Variants in PRKCE observed in about 807,000 individuals in gnomAD.
The protein encoded by PRKCE is protein kinase C epsilon type.
Under a neutral mutation model 85.4 loss-of-function variants are expected in PRKCE, and 16 were observed. That is an observed-to-expected ratio of 0.19 (90% CI 0.13 to 0.28). The LOEUF is 0.28. PRKCE is among the 10% of genes least tolerant of loss of function. The pLI is 1.00. For synonymous variants in PRKCE, 388 were observed against 371.5 expected (o/e 1.04, Z -0.51); for missense variants, 573 against 975.2 (o/e 0.59, Z 5.49).
chr2:46,171,481 G>A (rs1461402703), intron 14 of PRKCE, among the ~76,000 whole-genome samples: 1 of 152,218 alleles, frequency 6.6e-6, no homozygotes, highest in East Asian at 1.9e-4. Flanking sequence ...TGTGCAGATG[G>A]CTGCATTGAT....
At chr2:45,834,627 C>T (rs1274412104) in intron 1 of PRKCE, among the ~76,000 whole-genome samples, 1 of 152,052 alleles carries the variant, frequency 6.6e-6, no homozygotes, top group East Asian at 1.9e-4. Context: ...CACCCACATG[C>T]TCCCCCATTG....
At chr2:45,961,761 T>C (rs966208684) in intron 2 of PRKCE, among the ~76,000 whole-genome samples, 18 of 152,092 alleles carry the variant, frequency 1.2e-4, no homozygotes, top group African/African-American at 4.1e-4. Flanking sequence ...AATGGTGTGA[T>C]CTTGGCTCAC....
chr2:45,972,093 C>G (rs983626759), intron 2 of PRKCE, among the ~76,000 whole-genome samples: 1 of 152,172 alleles, frequency 6.6e-6, no homozygotes. Flanking sequence ...AGTGAACAAG[C>G]GTTCGCTCTT....
intron 2 of PRKCE, among the ~76,000 whole-genome samples, chr2:45,866,432 C>G (rs572645049): frequency 1.3e-5 from 2 of 152,170 alleles, no homozygotes; most frequent in Non-Finnish European, 2.9e-5. Context: ...CTCAGCCTCC[C>G]GAGTAGCTGG....
rs113717275 is a variant in PRKCE, at chr2:45,833,645, G to A, written c.349-9355G>A. On this transcript the variant is annotated intron_variant, in intron 1 of 14. Coordinates refer to ENST00000306156, the MANE Select transcript of PRKCE (RefSeq NM_005400.3). ...AGAACTGGGATTGGAACCCGGGTAGGCTAGCTTCAAAACCTTTACTTTCAA... is the reference window on the plus strand; with the variant it reads ...AGAACTGGGATTGGAACCCGGGTAGACTAGCTTCAAAACCTTTACTTTCAA... Among the ~76,000 whole-genome samples, 1,362 of 152,296 alleles carry A rather than the reference G, an allele frequency of 8.9e-3. 31 individuals carry two copies. Among genetic ancestry groups the A allele is most frequent in the African/African-American group, 0.03 (1,263 of 41,542 alleles).
intron 1 of PRKCE, among the ~76,000 whole-genome samples, chr2:45,694,372 G>C (rs1677975020): frequency 6.6e-6 from 1 of 152,048 alleles, no homozygotes; most frequent in Admixed American, 6.6e-5. Flanking sequence ...ATGGATGATG[G>C]GCAGAAAAGT....
intron 2 of PRKCE, among the ~76,000 whole-genome samples, chr2:45,899,755 G>T (rs1032218723): frequency 6.6e-6 from 1 of 152,202 alleles, no homozygotes; most frequent in African/African-American, 2.4e-5. Context: ...GGCTGGGCCT[G>T]TAGGTAGTGC....
At chr2:45,708,556 C>T (rs1473249873) in intron 1 of PRKCE, among the ~76,000 whole-genome samples, 3 of 152,220 alleles carry the variant, frequency 2.0e-5, no homozygotes, top group Non-Finnish European at 2.9e-5. Flanking sequence ...ATGTGACTTG[C>T]TCCTCCTTGC....
intron 10 of PRKCE, among the ~76,000 whole-genome samples, chr2:46,057,682 G>A (rs1666723762): frequency 2.6e-5 from 4 of 152,068 alleles, no homozygotes; most frequent in Admixed American, 2.6e-4. Flanking sequence ...AATCCACCCG[G>A]CTCAGCCTTC....
At chr2:46,051,285 G>C (rs1461660701) in intron 10 of PRKCE, among the ~76,000 whole-genome samples, 2 of 152,190 alleles carry the variant, frequency 1.3e-5, no homozygotes, top group African/African-American at 2.4e-5. Flanking sequence ...CCCTGGGCTG[G>C]TGGTTTCTGG....
At chr2:45,686,502 T>C (rs1323646116) in intron 1 of PRKCE, among the ~76,000 whole-genome samples, 1 of 152,200 alleles carries the variant, frequency 6.6e-6, no homozygotes, top group African/African-American at 2.4e-5. Context: ...CTATACAATA[T>C]GCTATTTATT....
chr2:45,749,573 T>C (rs1683387626), intron 1 of PRKCE, among the ~76,000 whole-genome samples: 1 of 152,196 alleles, frequency 6.6e-6, no homozygotes, highest in Admixed American at 6.5e-5. Flanking sequence ...GAAATGACAA[T>C]CATACAATGT....
At chr2:46,144,959 G>A in intron 11 of PRKCE, 134 bp from the exon 12 acceptor site, 1 of 1,349,254 alleles carries the variant, frequency 7.4e-7, no homozygotes, top group Non-Finnish European at 1.0e-6. Context: ...ACTGAGATGG[G>A]TTTCAAGAAA....
chr2:45,861,608 C>A (rs1228957997), intron 2 of PRKCE, among the ~76,000 whole-genome samples: 1 of 152,132 alleles, frequency 6.6e-6, no homozygotes, highest in East Asian at 1.9e-4. Flanking sequence ...AATAAATTTT[C>A]TTTTATTCTC....
At chr2:46,072,667 G>A (rs946229756) in intron 10 of PRKCE, among the ~76,000 whole-genome samples, 1 of 152,168 alleles carries the variant, frequency 6.6e-6, no homozygotes, top group Non-Finnish European at 1.5e-5. Flanking sequence ...GGCATTCCTG[G>A]AGTGGCTCAC....
intron 9 of PRKCE, 138 bp downstream of exon 9, chr2:46,007,799 G>A: frequency 1.1e-6 from 1 of 930,980 alleles, no homozygotes; most frequent in African/African-American, 1.7e-5. Flanking sequence ...AAGTGCAAAT[G>A]ACCTGAGGCC....
At chr2:45,698,947 G>A (rs1026107434) in intron 1 of PRKCE, among the ~76,000 whole-genome samples, 2 of 152,136 alleles carry the variant, frequency 1.3e-5, no homozygotes, top group Admixed American at 6.5e-5. Context: ...TAAAATTTAT[G>A]TATTGCCAAG....
chr2:45,843,966 A>G (rs1441710088), intron 2 of PRKCE, among the ~76,000 whole-genome samples: 2 of 152,048 alleles, frequency 1.3e-5, no homozygotes, highest in Non-Finnish European at 2.9e-5. Context: ...AAAAATGGAC[A>G]CTCAGCTCTC....
At chr2:45,750,137 G>C (rs1683435611) in intron 1 of PRKCE, among the ~76,000 whole-genome samples, 1 of 152,146 alleles carries the variant, frequency 6.6e-6, no homozygotes, top group African/African-American at 2.4e-5. Flanking sequence ...AAATTATGGT[G>C]AAGTACATAT....
Sources: gnomAD v4.1 joint callset for allele counts (sites outside exome capture counted in the v4.1 genomes callset) on GRCh38, gnomAD v4.1.1 for gene constraint, MANE v1.5 for transcripts, NCBI Gene and HGNC (gene_info 2026-07-23, HGNC 2026-07-21) for gene names.